The following ATP2B2 variants were observed in gnomAD, a reference collection of about 807,000 sequenced individuals.
The protein encoded by ATP2B2 is ATPase plasma membrane Ca2+ transporting 2, also known as plasma membrane calcium-transporting ATPase 2.
A neutral mutation model predicts 120.0 loss-of-function variants in ATP2B2; 15 were observed. That is an observed-to-expected ratio of 0.12 (90% CI 0.08 to 0.19). ATP2B2 has a LOEUF of 0.19. ATP2B2 is among the 10% of genes least tolerant of loss of function. The probability of loss-of-function intolerance (pLI) is 1.00; values close to 1 mark genes in which losing one functional copy is unlikely to be tolerated. For synonymous variants in ATP2B2, 694 were observed against 700.3 expected (o/e 0.99, Z 0.14); for missense variants, 1,045 against 1,719.8 (o/e 0.61, Z 6.94).
chr3:10,703,566 T>G (rs928709517), intron 1 of ATP2B2, among the ~76,000 whole-genome samples: 13 of 152,306 alleles, frequency 8.5e-5, no homozygotes, highest in South Asian at 6.2e-4. Context: ...CATCTGCCAT[T>G]TCCTAGAACT....
chr3:10,368,721 A>G (rs1301729675), intron 12 of ATP2B2, among the ~76,000 whole-genome samples: 1 of 151,320 alleles, frequency 6.6e-6, no homozygotes, highest in African/African-American at 2.4e-5. Flanking sequence ...CCACCCATCT[A>G]TTCATCCACC....
chr3:10,490,608 T>C (rs1476987982), intron 1 of ATP2B2, among the ~76,000 whole-genome samples: 1 of 152,112 alleles, frequency 6.6e-6, no homozygotes, highest in Non-Finnish European at 1.5e-5. Context: ...TGATCAGGCC[T>C]GGCTGGTCTC....
intron 2 of ATP2B2, among the ~76,000 whole-genome samples, chr3:10,444,127 C>T (rs376013468): frequency 5.9e-5 from 9 of 152,364 alleles, no homozygotes; most frequent in African/African-American, 2.2e-4. Flanking sequence ...GGCCGCTTCA[C>T]ATGAAGGCGC....
intron 2 of ATP2B2, among the ~76,000 whole-genome samples, chr3:10,551,695 A>G (rs1275610012): frequency 1.3e-5 from 2 of 152,250 alleles, no homozygotes; most frequent in Admixed American, 6.5e-5. Context: ...TTCAAACAAG[A>G]ACACAATGTA....
At chr3:10,492,629 G>A (rs2125371396) in intron 1 of ATP2B2, among the ~76,000 whole-genome samples, 1 of 152,276 alleles carries the variant, frequency 6.6e-6, no homozygotes, top group South Asian at 2.1e-4. Context: ...GTGAATTGCA[G>A]CTGCCTCATT....
intron 3 of ATP2B2, among the ~76,000 whole-genome samples, chr3:10,524,189 C>T (rs2067043383): frequency 6.6e-6 from 1 of 152,122 alleles, no homozygotes; most frequent in African/African-American, 2.4e-5. Context: ...TCTGTGACGC[C>T]TGGACCTGCA....
intron 2 of ATP2B2, among the ~76,000 whole-genome samples, chr3:10,444,005 C>T (rs955171421): frequency 6.6e-6 from 1 of 152,194 alleles, no homozygotes; most frequent in African/African-American, 2.4e-5. Flanking sequence ...CCCCTCCACC[C>T]CTGCATTTAT....
At chr3:10,557,194 G>A (rs1428019243) in intron 2 of ATP2B2, among the ~76,000 whole-genome samples, 1 of 152,234 alleles carries the variant, frequency 6.6e-6, no homozygotes, top group South Asian at 2.1e-4. Flanking sequence ...GCCCTGGGTG[G>A]CCACTGCGTT....
At chr3:10,691,160 C>G (rs780756803) in intron 1 of ATP2B2, among the ~76,000 whole-genome samples, 3 of 152,206 alleles carry the variant, frequency 2.0e-5, no homozygotes, top group Non-Finnish European at 2.9e-5. Context: ...CCCTTGCAGG[C>G]TGTGTGACTT....
At chr3:10,532,097 G>A (rs899000096) in intron 3 of ATP2B2, among the ~76,000 whole-genome samples, 2 of 150,872 alleles carry the variant, frequency 1.3e-5, no homozygotes, top group African/African-American at 2.4e-5. Context: ...AACATTGATC[G>A]GACCACTGGA....
At chr3:10,671,421 T>C (rs1389569886) in intron 1 of ATP2B2, among the ~76,000 whole-genome samples, 1 of 152,120 alleles carries the variant, frequency 6.6e-6, no homozygotes, top group Non-Finnish European at 1.5e-5. Context: ...GCGGCCCTTG[T>C]CGAAGTATAG....
chr3:10,606,912 C>CACACACACACAGAGAG, intron 2 of ATP2B2, among the ~76,000 whole-genome samples: 1 of 62,526 alleles, frequency 1.6e-5, no homozygotes, highest in African/African-American at 4.8e-5. Flanking sequence ...CACACACACA[C>CACACACACACAGAGAG]AGAGAGAGAG....
chr3:10,650,217 C>T (rs149121321), intron 1 of ATP2B2, among the ~76,000 whole-genome samples: 4,151 of 152,226 alleles, frequency 0.027, 178 homozygotes, highest in African/African-American at 0.093. Context: ...CAATAACGTC[C>T]AGACTGAGGT....
At chr3:10,453,517 C>T (rs1436206362) in intron 1 of ATP2B2, among the ~76,000 whole-genome samples, 1 of 152,160 alleles carries the variant, frequency 6.6e-6, no homozygotes, top group Non-Finnish European at 1.5e-5. Context: ...GAGACACATT[C>T]CTAATCAGGA....
At chr3:10,341,745 C>T (rs923463958) in intron 19 of ATP2B2, among the ~76,000 whole-genome samples, 6 of 152,184 alleles carry the variant, frequency 3.9e-5, no homozygotes, top group Admixed American at 2.6e-4. Flanking sequence ...GACCAGGACC[C>T]CCGCTCTCCT....
At chr3:10,571,818 C>T (rs566937315) in intron 2 of ATP2B2, among the ~76,000 whole-genome samples, 157 of 152,322 alleles carry the variant, frequency 1.0e-3, no homozygotes, top group African/African-American at 3.6e-3. Flanking sequence ...GGCACCTTGG[C>T]CAATCCTTTA....
chr3:10,671,161 A>G (rs2071085461), intron 1 of ATP2B2, among the ~76,000 whole-genome samples: 1 of 152,248 alleles, frequency 6.6e-6, no homozygotes, highest in South Asian at 2.1e-4. Flanking sequence ...CTAAGATATT[A>G]GGATCCCTCT....
intron 8 of ATP2B2, among the ~76,000 whole-genome samples, chr3:10,383,576 G>A (rs1575077146): frequency 6.6e-6 from 1 of 152,214 alleles, no homozygotes; most frequent in Non-Finnish European, 1.5e-5. Context: ...AGCCAGCCAG[G>A]TCTGGGTTCT....
chr3:10,483,715 T>C (rs1286849784), intron 1 of ATP2B2, among the ~76,000 whole-genome samples: 2 of 152,206 alleles, frequency 1.3e-5, no homozygotes, highest in Non-Finnish European at 2.9e-5. Flanking sequence ...TTAATAATTC[T>C]ATGGTAGGAA....
Sources: gnomAD v4.1 joint callset for allele counts (sites outside exome capture counted in the v4.1 genomes callset) on GRCh38, gnomAD v4.1.1 for gene constraint, MANE v1.5 for transcripts, NCBI Gene and HGNC (gene_info 2026-07-23, HGNC 2026-07-21) for gene names.